CRBN: variants seen among roughly 807,000 people sequenced by gnomAD.
The protein encoded by CRBN is cereblon, also known as protein cereblon.
A neutral mutation model predicts 62.2 loss-of-function variants in CRBN; 53 were observed. That is an observed-to-expected ratio of 0.85 (90% CI 0.68 to 1.07). The LOEUF is 1.07. CRBN is among the 50% of genes least tolerant of loss of function. CRBN has a pLI of 0.00. For missense variants in CRBN, 616 were observed against 531.1 expected, an observed-to-expected ratio of 1.16 and a Z score of -1.57; for synonymous variants, 208 against 176.1, an observed-to-expected ratio of 1.18 and a Z score of -1.43.
At chr3:3,151,234 G>A (rs988102759) in intron 10 of CRBN, among the ~76,000 whole-genome samples, 189 bp from the exon 11 acceptor site, 1 of 152,142 alleles carries the variant, frequency 6.6e-6, no homozygotes, top group Non-Finnish European at 1.5e-5. Flanking sequence ...TTTGTAATAT[G>A]TATGACTTTT....
At chr3:3,152,016 T>C (rs193217401) in intron 10 of CRBN, among the ~76,000 whole-genome samples, 7 of 152,352 alleles carry the variant, frequency 4.6e-5, no homozygotes, top group East Asian at 3.9e-4. Flanking sequence ...AAAACAATTT[T>C]GGATTTAACT....
intron 4 of CRBN, 42 bp from the exon 5 acceptor site, chr3:3,167,835 T>G: frequency 6.3e-7 from 1 of 1,586,450 alleles, no homozygotes; most frequent in Non-Finnish European, 8.7e-7. Context: ...TTTCTAAGAT[T>G]GACTAACTCA....
At chr3:3,156,333 A>G in intron 5 of CRBN, 52 bp from the exon 6 acceptor site, 2 of 1,465,406 alleles carry the variant, frequency 1.4e-6, no homozygotes, top group South Asian at 2.3e-5. Flanking sequence ...TAAAGATTCT[A>G]ATGCTGGAAT....
At chr3:3,169,794 C>A (rs1363365088) in intron 4 of CRBN, among the ~76,000 whole-genome samples, 1 of 152,148 alleles carries the variant, frequency 6.6e-6, no homozygotes, top group Non-Finnish European at 1.5e-5. Context: ...GGTAAGAGAT[C>A]TTCTCTTGTG....
intron 5 of CRBN, among the ~76,000 whole-genome samples, chr3:3,165,316 A>T (rs1158509248): frequency 6.6e-6 from 1 of 152,184 alleles, no homozygotes; most frequent in East Asian, 1.9e-4. Flanking sequence ...GACAGGACTG[A>T]CTCCAATTTT....
chr3:3,171,563 A>G (rs796302677), intron 4 of CRBN, among the ~76,000 whole-genome samples: 76 of 152,324 alleles, frequency 5.0e-4, no homozygotes, highest in African/African-American at 1.8e-3. Flanking sequence ...AAGTTTGCAC[A>G]GTGAATGTTC....
Position 3,156,623 on chromosome 3 carries a change from C to G in CRBN, c.688-342G>C, listed in dbSNP as rs1224846300. 9 of 284,366 alleles carry G rather than the reference C, an allele frequency of 3.2e-5. No homozygotes were observed. The East Asian group carries it at 8.1e-4, about 26-fold the overall frequency. The allele number at this position is 284,366 out of a possible 1,614,324, so 17.6% of individuals were successfully genotyped here. A position where few individuals can be genotyped will look rare whatever the true frequency, so the allele number is the denominator to read the frequency against. On this transcript the variant is annotated intron_variant, in intron 5 of 10. Coordinates refer to ENST00000231948, the MANE Select transcript of CRBN (RefSeq NM_016302.4). ...GTTGCCTTTATACTAATTACTTGTC[C>G]AGTATCTGAAGTGAAAACCTCAAGA...
chr3:3,163,218 G>A (rs1707208262), intron 5 of CRBN, among the ~76,000 whole-genome samples: 1 of 152,148 alleles, frequency 6.6e-6, no homozygotes, highest in African/African-American at 2.4e-5. Flanking sequence ...TTAAGCAAGG[G>A]AACCCTGTAG....
chr3:3,179,417 G>A (rs1438497816), intron 1 of CRBN, among the ~76,000 whole-genome samples: 1 of 152,162 alleles, frequency 6.6e-6, no homozygotes, highest in Non-Finnish European at 1.5e-5. Flanking sequence ...CTGGCTCACG[G>A]CTCGGGGCAA....
At chr3:3,166,018 T>C (rs1439504026) in intron 5 of CRBN, among the ~76,000 whole-genome samples, 1 of 152,182 alleles carries the variant, frequency 6.6e-6, no homozygotes, top group Non-Finnish European at 1.5e-5. Flanking sequence ...GAGCAAAATT[T>C]CTCACAGTTC....
In CRBN at chr3:3,153,447, T is replaced by A. The variant is rs752097742; in HGVS notation, c.993A>T (p.Ile331=). The part of the protein sequence containing the change: ...LCCKQCQETE[I]TTKNEIFSLS... ...ACCTGAATATTTCATTTTTGGTTGT[T>A]ATTTCTGTTTCTTGACATTGTTTAC... The change falls in exon 9 of 11, where the codon ATA becomes ATT. Residue 331 remains isoleucine (I), a synonymous_variant. Coordinates refer to ENST00000231948, the MANE Select transcript of CRBN (RefSeq NM_016302.4). The A allele has an allele frequency of 5.1e-6, 8 of 1,568,678 alleles. No homozygotes were observed. Among genetic ancestry groups the A allele is most frequent in the Non-Finnish European group, 7.0e-6 (8 of 1,138,832 alleles).
chr3:3,157,008 T>C (rs1706921001), intron 5 of CRBN, among the ~76,000 whole-genome samples: 1 of 152,184 alleles, frequency 6.6e-6, no homozygotes, highest in African/African-American at 2.4e-5. Flanking sequence ...CTCAATACTG[T>C]TAAGATGTCA....
chr3:3,177,767 T>G (rs992862304), intron 1 of CRBN, among the ~76,000 whole-genome samples: 4 of 152,224 alleles, frequency 2.6e-5, no homozygotes, highest in African/African-American at 4.8e-5. Flanking sequence ...CACTTTCCCC[T>G]ACTCAGTTAT....
rs1304263150 is a variant in CRBN, at chr3:3,150,965, G to T, written c.1229C>A (p.Ser410Ter). The T allele has an allele frequency of 6.2e-7, 1 of 1,614,040 alleles. No individual in the cohort carries two copies. The highest frequency in any genetic ancestry group is 8.5e-7 in the Non-Finnish European group (1 of 1,179,998). Residue 410 changes from serine to a stop codon, truncating the protein, a stop_gained, in exon 11 of 11, where the codon TCA becomes TAA. Transcript: ENST00000231948. LOFTEE classifies it high-confidence loss of function. ...CGTTAAGCCCCAAAATTTTTGAGGT[G>T]ACATGTCTTTTTTGGTGGCCGTAAA... ...WKFTATKKDM[S>*]PQKFWGLTRS...
chr3:3,170,037 C>A (rs956172065), intron 4 of CRBN, among the ~76,000 whole-genome samples: 1 of 151,860 alleles, frequency 6.6e-6, no homozygotes, highest in Non-Finnish European at 1.5e-5. Flanking sequence ...TGGAGTGCAG[C>A]GGTATAATCT....
intron 1 of CRBN, among the ~76,000 whole-genome samples, chr3:3,177,147 G>GA (rs112000735): frequency 0.14 from 21,593 of 152,158 alleles, 1,593 homozygotes; most frequent in Admixed American, 0.17. Flanking sequence ...CTGAGGTTGG[G>GA]AGACCCTGGC....
chr3:3,153,570 T>G, intron 8 of CRBN, 82 bp from the exon 9 acceptor site: 1 of 831,276 alleles, frequency 1.2e-6, no homozygotes, highest in South Asian at 1.4e-5. Flanking sequence ...ATCAAGAAAC[T>G]TACTTATAAA....
chr3:3,154,673 G>A, intron 7 of CRBN, 74 bp downstream of exon 7: 1 of 805,894 alleles, frequency 1.2e-6, no homozygotes, highest in Non-Finnish European at 2.2e-6. Flanking sequence ...GATATGATTG[G>A]ATCGCATCCA....
chr3:3,175,614 C>G (rs1400040555), intron 1 of CRBN, among the ~76,000 whole-genome samples: 1 of 152,196 alleles, frequency 6.6e-6, no homozygotes, highest in Non-Finnish European at 1.5e-5. Context: ...GTACATTACT[C>G]TAACTAAGCT....
Sources: gnomAD v4.1 joint callset for allele counts (sites outside exome capture counted in the v4.1 genomes callset) on GRCh38, gnomAD v4.1.1 for gene constraint, MANE v1.5 for transcripts, NCBI Gene and HGNC (gene_info 2026-07-23, HGNC 2026-07-21) for gene names.